The following CNTN4 variants were observed in gnomAD, a reference collection of about 807,000 sequenced individuals.
CNTN4 encodes contactin 4.
CNTN4 carries 77 observed loss-of-function variants against 122.5 expected under a neutral mutation model. The ratio of observed to expected loss-of-function variants is 0.63; its 90% CI spans 0.52 to 0.76. The LOEUF (loss-of-function observed/expected upper bound fraction) is 0.76, where lower values mean the gene tolerates loss of function less well. CNTN4 is among the 30% of genes least tolerant of loss of function. CNTN4 has a pLI of 0.00. For synonymous variants in CNTN4, 512 were observed against 447.0 expected, an observed-to-expected ratio of 1.15 and a Z score of -1.83; for missense variants, 1,256 against 1,259.1, an observed-to-expected ratio of 1.00 and a Z score of 0.04.
intron 4 of CNTN4, among the ~76,000 whole-genome samples, chr3:2,724,837 T>TA (rs2088106663): frequency 6.6e-6 from 1 of 152,126 alleles, no homozygotes; most frequent in Non-Finnish European, 1.5e-5. Flanking sequence ...TGACTGAACG[T>TA]AGAAAGGGCA....
chr3:2,170,317 C>A (rs1156717909), intron 2 of CNTN4, among the ~76,000 whole-genome samples: 1 of 151,816 alleles, frequency 6.6e-6, no homozygotes, highest in Non-Finnish European at 1.5e-5. Context: ...AAGACTCCGT[C>A]TCAAAACAAA....
intron 2 of CNTN4, among the ~76,000 whole-genome samples, chr3:2,116,238 A>C (rs2033342102): frequency 6.6e-6 from 1 of 152,314 alleles, no homozygotes; most frequent in South Asian, 2.1e-4. Flanking sequence ...AACGTGAGGC[A>C]TAACAGAAAA....
Position 2,953,095 on chromosome 3 carries a change from G to A in CNTN4, c.1358+27316G>A, listed in dbSNP as rs375644958. Among the ~76,000 whole-genome samples, 61 of 152,240 alleles carry A rather than the reference G, an allele frequency of 4.0e-4. No homozygotes were observed. In the East Asian group the frequency reaches 0.01, roughly 25 times the overall value. On this transcript the variant is annotated intron_variant, in intron 13 of 24. Coordinates refer to ENST00000418658, the MANE Select transcript of CNTN4 (RefSeq NM_175607.3). ...TCTGTAGGTTATTTGACTTCAAAAC[G>A]ACATAAACTGTGTCCACTATATGAA...
At chr3:2,553,804 T>G (rs1473419753) in intron 3 of CNTN4, among the ~76,000 whole-genome samples, 1 of 152,214 alleles carries the variant, frequency 6.6e-6, no homozygotes, top group Non-Finnish European at 1.5e-5. Flanking sequence ...TCTTTTCATT[T>G]CACTCTTTTC....
chr3:2,337,135 C>G (rs569616542), intron 2 of CNTN4, among the ~76,000 whole-genome samples: 1 of 152,240 alleles, frequency 6.6e-6, no homozygotes, highest in Non-Finnish European at 1.5e-5. Context: ...ACCTTTCCAT[C>G]CTGCTTTCTA....
chr3:2,678,954 C>A (rs1228211782), intron 4 of CNTN4, among the ~76,000 whole-genome samples: 1 of 152,108 alleles, frequency 6.6e-6, no homozygotes, highest in African/African-American at 2.4e-5. Flanking sequence ...TACAAAGGTA[C>A]CTTTTTACAT....
intron 12 of CNTN4, among the ~76,000 whole-genome samples, chr3:2,922,965 C>T (rs1395016014): frequency 6.6e-6 from 1 of 152,052 alleles, no homozygotes; most frequent in Non-Finnish European, 1.5e-5. Context: ...AGTCTTATCT[C>T]GATAAGATAT....
intron 2 of CNTN4, among the ~76,000 whole-genome samples, chr3:2,178,654 A>T (rs1333111809): frequency 6.6e-6 from 1 of 152,232 alleles, no homozygotes; most frequent in East Asian, 1.9e-4. Flanking sequence ...CTAGACTGGA[A>T]ATGAGGAGAA....
At chr3:2,571,323 G>A (rs760062668) in intron 3 of CNTN4, 93 bp from the exon 4 acceptor site, 3 of 636,174 alleles carry the variant, frequency 4.7e-6, no homozygotes, top group Non-Finnish European at 8.5e-6. Flanking sequence ...TCCCACAAGT[G>A]AGTTTTATTG....
At chr3:2,903,972 T>C (rs1049238087) in intron 12 of CNTN4, among the ~76,000 whole-genome samples, 2 of 151,836 alleles carry the variant, frequency 1.3e-5, no homozygotes, top group African/African-American at 4.8e-5. Flanking sequence ...ATAGATTAGG[T>C]CAGTAAAGAA....
intron 4 of CNTN4, among the ~76,000 whole-genome samples, chr3:2,604,751 A>AC (rs2081188945): frequency 2.0e-5 from 3 of 152,156 alleles, no homozygotes; most frequent in African/African-American, 7.2e-5. Flanking sequence ...TAGAGATAAG[A>AC]ATACACCCAT....
chr3:2,170,139 G>C (rs1179796248), intron 2 of CNTN4, among the ~76,000 whole-genome samples: 1 of 151,526 alleles, frequency 6.6e-6, no homozygotes, highest in Non-Finnish European at 1.5e-5. Flanking sequence ...GGCTAACACG[G>C]TGAAACCCCG....
At chr3:2,631,876 A>T (rs1243837090) in intron 4 of CNTN4, among the ~76,000 whole-genome samples, 1 of 128,894 alleles carries the variant, frequency 7.8e-6, no homozygotes, top group South Asian at 2.2e-4. Flanking sequence ...AAAAAAAAAA[A>T]AACAAAAAAA....
intron 3 of CNTN4, among the ~76,000 whole-genome samples, chr3:2,391,345 T>C (rs1013543382): frequency 1.3e-5 from 2 of 152,208 alleles, no homozygotes; most frequent in African/African-American, 4.8e-5. Context: ...GCAAGCCCCT[T>C]TTATGACTAT....
At chr3:2,486,950 T>C (rs2076179240) in intron 3 of CNTN4, among the ~76,000 whole-genome samples, 1 of 152,200 alleles carries the variant, frequency 6.6e-6, no homozygotes, top group East Asian at 1.9e-4. Flanking sequence ...TTTGTGTTCT[T>C]TTTTAAAAAA....
intron 2 of CNTN4, among the ~76,000 whole-genome samples, chr3:2,252,071 A>G (rs544060153): frequency 3.9e-4 from 59 of 152,122 alleles, no homozygotes; most frequent in African/African-American, 1.4e-3. Flanking sequence ...ATTTCTGCTC[A>G]AACTCTACAT....
At chr3:2,424,269 A>G (rs1228797566) in intron 3 of CNTN4, among the ~76,000 whole-genome samples, 18 of 124,990 alleles carry the variant, frequency 1.4e-4, no homozygotes, top group African/African-American at 3.1e-4. Flanking sequence ...CCTGTGTCCA[A>G]CTGTTCTCAC....
At chr3:2,241,688 C>G (rs9870707) in intron 2 of CNTN4, among the ~76,000 whole-genome samples, 78,990 of 152,052 alleles carry the variant, frequency 0.52, 20,950 homozygotes, top group South Asian at 0.64. Flanking sequence ...CACATTCTCT[C>G]TGTATCTGCC....
rs1575626234 is a variant in CNTN4 at position 2,436,769 on chromosome 3, A to C, written c.-89+97536A>C. Among the ~76,000 whole-genome samples, 4 of 147,508 alleles carry C rather than the reference A, an allele frequency of 2.7e-5. No homozygotes were observed. The East Asian group carries it at 7.8e-4, about 29-fold the overall frequency. ...AAGCAACTTCATATATTTCCTTCAA[A>C]TATATATGAAATATATGTATATATT... On this transcript the variant is annotated intron_variant, in intron 3 of 24. Coordinates refer to ENST00000418658, the MANE Select transcript of CNTN4 (RefSeq NM_175607.3).
Sources: allele counts gnomAD v4.1 joint callset (sites outside exome capture counted in the v4.1 genomes callset), GRCh38; gene constraint gnomAD v4.1.1; transcripts MANE v1.5; gene names NCBI Gene and HGNC (gene_info 2026-07-23, HGNC 2026-07-21).